The following RALB variants were observed in gnomAD, a reference collection of about 807,000 sequenced individuals.
The protein encoded by RALB is ras-related protein Ral-B.
RALB carries 16 observed loss-of-function variants against 21.3 expected under a neutral mutation model. The ratio of observed to expected loss-of-function variants is 0.75; its 90% CI spans 0.51 to 1.14. The LOEUF (loss-of-function observed/expected upper bound fraction) is 1.14, where lower values mean the gene tolerates loss of function less well. Ranked by LOEUF, RALB falls within the 50% of genes most tolerant of loss-of-function variation. The pLI is 0.00. For synonymous variants in RALB, 93 were observed against 96.1 expected (o/e 0.97, Z 0.19); for missense variants, 161 against 256.2 (o/e 0.63, Z 2.54).
intron 4 of RALB, 119 bp downstream of exon 4, chr2:120,289,876 T>C (rs1690266409): frequency 1.1e-6 from 1 of 903,880 alleles, no homozygotes; most frequent in African/African-American, 1.7e-5. Context: ...TTCTGATTCC[T>C]ATGAATGTCT....
intron 3 of RALB, among the ~76,000 whole-genome samples, chr2:120,287,202 T>TG (rs1467210428): frequency 2.6e-5 from 4 of 152,210 alleles, no homozygotes; most frequent in African/African-American, 9.7e-5. Flanking sequence ...AGGACTTGGA[T>TG]GGAAGCATCA....
chr2:120,280,703 TAAAGTA>T (rs1231839852), intron 2 of RALB: 3 of 239,148 alleles, frequency 1.3e-5, no homozygotes, highest in African/African-American at 7.8e-5. Context: ...TCCCAGAACT[TAAAGTA>T]AAAAGAAAAA....
chr2:120,274,786 T>C (rs1008860279), intron 1 of RALB, among the ~76,000 whole-genome samples: 15 of 152,204 alleles, frequency 9.9e-5, no homozygotes, highest in Non-Finnish European at 1.9e-4. Context: ...ATCAGGTCTT[T>C]CAATGATGTC....
intron 1 of RALB, among the ~76,000 whole-genome samples, chr2:120,278,244 C>T (rs964507867): frequency 6.6e-6 from 1 of 152,158 alleles, no homozygotes; most frequent in East Asian, 1.9e-4. Flanking sequence ...AAGCTGTTCT[C>T]CGCGGCAGCC....
intron 3 of RALB, among the ~76,000 whole-genome samples, chr2:120,286,895 C>G (rs1019219206): frequency 6.6e-6 from 1 of 152,162 alleles, no homozygotes; most frequent in African/African-American, 2.4e-5. Context: ...GAAAAAAATA[C>G]CTTCAGTTCA....
chr2:120,243,236 G>A (rs1688921211), intron 1 of RALB, among the ~76,000 whole-genome samples: 1 of 152,198 alleles, frequency 6.6e-6, no homozygotes, highest in African/African-American at 2.4e-5. Context: ...AGAGGACAAG[G>A]GCCATGTAAT....
upstream of RALB, among the ~76,000 whole-genome samples, chr2:120,250,466 G>A (rs1558944130): frequency 6.6e-6 from 1 of 152,212 alleles, no homozygotes. Flanking sequence ...GTTAGAGCTA[G>A]TCACATGGCT....
chr2:120,278,581 C>T, intron 1 of RALB, 37 bp from the exon 2 acceptor site: 1 of 1,390,596 alleles, frequency 7.2e-7, no homozygotes. Context: ...AGGTTGAAAG[C>T]AAATCGCCTC....
intron 1 of RALB, among the ~76,000 whole-genome samples, chr2:120,276,261 G>T (rs1442837788): frequency 6.6e-6 from 1 of 152,190 alleles, no homozygotes; most frequent in Non-Finnish European, 1.5e-5. Context: ...CTTCCAGGCT[G>T]CTCTTTTTTA....
In RALB at chr2:120,286,096, G is replaced by A. The variant is rs764217303; in HGVS notation, c.323+14G>A. ...TGCCGAATTCAGGTATGTCTGAAAT[G>A]AAATAGCAGAAGCCCCCAGGAAGCT... is the stretch of plus-strand genomic sequence containing the variant. On this transcript the variant is annotated intron_variant, in intron 3 of 4. Coordinates refer to ENST00000272519, the MANE Select transcript of RALB (RefSeq NM_002881.3). 2.5e-6 allele frequency: 4 copies of A among 1,610,884 alleles called. No homozygotes were observed. In the African/African-American group the frequency reaches 5.3e-5, roughly 22 times the overall value.
intron 4 of RALB, among the ~76,000 whole-genome samples, chr2:120,290,854 C>G (rs780295981): frequency 2.6e-5 from 4 of 152,224 alleles, no homozygotes; most frequent in African/African-American, 4.8e-5. Flanking sequence ...ATGAGGCTTT[C>G]TGCCTTGACC....
intron 1 of RALB, among the ~76,000 whole-genome samples, chr2:120,265,161 T>C (rs1224778528): frequency 2.0e-5 from 3 of 152,226 alleles, no homozygotes; most frequent in Non-Finnish European, 4.4e-5. Flanking sequence ...TTAAGCAATG[T>C]CAGTGTTTTG....
chr2:120,251,423 A>G (rs748797833), upstream of RALB, among the ~76,000 whole-genome samples: 9 of 152,322 alleles, frequency 5.9e-5, no homozygotes, highest in Non-Finnish European at 1.3e-4. Context: ...TGAGAGCTCT[A>G]TGTGGACTTG....
intron 2 of RALB, among the ~76,000 whole-genome samples, chr2:120,284,790 C>T (rs912380678): frequency 6.6e-6 from 1 of 152,106 alleles, no homozygotes. Context: ...CCCGTTATTG[C>T]TTCCCCGTCC....
At chr2:120,278,292 G>A (rs534608821) in intron 1 of RALB, among the ~76,000 whole-genome samples, 1 of 152,306 alleles carries the variant, frequency 6.6e-6, no homozygotes, top group East Asian at 1.9e-4. Context: ...GGAGCTACGA[G>A]CGGTTTGGTC....
At chr2:120,246,698 G>A (rs1343086619) in intron 1 of RALB, among the ~76,000 whole-genome samples, 1 of 152,264 alleles carries the variant, frequency 6.6e-6, no homozygotes, top group African/African-American at 2.4e-5. Context: ...TAGGTGGGCT[G>A]CAGTGTGGCT....
chr2:120,247,143 C>T (rs1295113326), intron 1 of RALB, among the ~76,000 whole-genome samples: 1 of 152,060 alleles, frequency 6.6e-6, no homozygotes, highest in Non-Finnish European at 1.5e-5. Context: ...CCAGAGCATG[C>T]GTCTGCGGGA....
At chr2:120,261,463 T>C (rs1334189719) in intron 1 of RALB, among the ~76,000 whole-genome samples, 2 of 151,988 alleles carry the variant, frequency 1.3e-5, no homozygotes, top group Non-Finnish European at 2.9e-5. Flanking sequence ...CTGGGACAAA[T>C]GAGGTTAGGT....
chr2:120,278,788 G>A lies in RALB; in HGVS notation c.114+10G>A. ...GTTCATGTATGACGAGGTAAGCCCT[G>A]CTAGGCACAGACCACCTTCCTTTGG... is the stretch of plus-strand genomic sequence containing the variant. On this transcript the variant is annotated intron_variant, in intron 2 of 4. Transcript: ENST00000272519. 1 of 1,515,792 alleles carries A rather than the reference G, an allele frequency of 6.6e-7. No homozygotes were observed. Among genetic ancestry groups the A allele is most frequent in the Non-Finnish European group, 8.9e-7 (1 of 1,126,360 alleles). 93.9% of individuals were successfully genotyped at this position (1,515,792 alleles called of 1,614,324 possible). A position where few individuals can be genotyped will look rare whatever the true frequency, so the allele number is the denominator to read the frequency against.
Sources: allele counts gnomAD v4.1 joint callset (sites outside exome capture counted in the v4.1 genomes callset), GRCh38; gene constraint gnomAD v4.1.1; transcripts MANE v1.5; gene names NCBI Gene and HGNC (gene_info 2026-07-23, HGNC 2026-07-21).